Variants in LRRK1 observed in about 807,000 individuals in gnomAD.
The protein encoded by LRRK1 is leucine rich repeat kinase 1, also known as leucine-rich repeat serine/threonine-protein kinase 1.
In LRRK1, 113 loss-of-function variants were observed where a neutral mutation model predicts 209.1. The ratio of observed to expected loss-of-function variants is 0.54; its 90% CI spans 0.46 to 0.63. The LOEUF is 0.63. Ranked by LOEUF, LRRK1 falls within the 30% of genes least tolerant of loss-of-function variation. The probability of loss-of-function intolerance (pLI) is 0.00; values close to 1 mark genes in which losing one functional copy is unlikely to be tolerated. For missense variants in LRRK1, 2,284 were observed against 2,632.2 expected, an observed-to-expected ratio of 0.87 and a Z score of 2.89; for synonymous variants, 1,144 against 1,099.7, an observed-to-expected ratio of 1.04 and a Z score of -0.80.
chr15:101,063,040 A>C (rs2036282422), intron 31 of LRRK1, among the ~76,000 whole-genome samples: 1 of 152,100 alleles, frequency 6.6e-6, no homozygotes, highest in South Asian at 2.1e-4. Flanking sequence ...CCACCTGCCC[A>C]GGCCAGAGCC....
At chr15:100,935,149 C>T (rs910150749) in intron 2 of LRRK1, among the ~76,000 whole-genome samples, 1 of 152,142 alleles carries the variant, frequency 6.6e-6, no homozygotes, top group African/African-American at 2.4e-5. Context: ...GTTTCTATTC[C>T]AGCAGGGGAA....
Position 101,014,353 on chromosome 15 carries a change from C to A in LRRK1, c.1457C>A (p.Ala486Glu). The A allele has an allele frequency of 6.2e-7, 1 of 1,613,816 alleles. No individual in the cohort carries two copies. Among genetic ancestry groups the A allele is most frequent in the Non-Finnish European group, 8.5e-7 (1 of 1,179,860 alleles). ...TTGAGGTTACAGGGGAACCAGCTGG[C>A]GGCACTTCCACCTCAAGAGAAGTGG... ...MFLRLQGNQL[A>E]ALPPQEKWTC... Residue 486 changes from alanine to glutamate, a missense_variant, in exon 11 of 34, where the codon GCG becomes GAG. Physicochemically the swap from Ala to Glu is moderately radical, Grantham distance 107. This residue lies in a region of LRRK1 where 494 missense variants were observed against 522.1 expected (regional missense o/e 0.95). Coordinates refer to ENST00000388948, the MANE Select transcript of LRRK1 (RefSeq NM_024652.6).
In LRRK1 at chr15:101,065,506, C is replaced by T. The variant is rs1281510100; in HGVS notation, c.5069C>T (p.Pro1690Leu). 6.2e-7 allele frequency: 1 copy of T among 1,614,216 alleles called. No homozygotes were observed. The highest frequency in any genetic ancestry group is 1.7e-5 in the Admixed American group (1 of 60,032). The change falls in exon 32 of 34, where the codon CCC (proline) becomes CTC (leucine). Residue 1690 changes from proline (P) to leucine (L), a missense_variant. Pro to Leu is a moderately conservative substitution (Grantham distance 98, BLOSUM62 -3). This residue lies in a region of LRRK1 where 643 missense variants were observed against 695.9 expected (regional missense o/e 0.92). Transcript: ENST00000388948. ...SIADEDARQN[P>L]YPVKAMEVVN... Reference sequence around the variant, plus strand: ...GCGGATGAAGACGCACGGCAGAACCCCTACCCAGTGAAGGCCATGGAGGTG... The same window carrying T: ...GCGGATGAAGACGCACGGCAGAACCTCTACCCAGTGAAGGCCATGGAGGTG...
rs1054932368 is a variant in LRRK1 at position 100,923,549 on chromosome 15, C to T, written c.-122-962C>T. On this transcript the variant is annotated intron_variant, in intron 1 of 33. Transcript: ENST00000388948. ...CGCACATGCATTACTTATGGTAGTA[C>T]CTCATGTCAGGCCTGAGCTAGGCAT... Among the ~76,000 whole-genome samples, 6 of 152,046 alleles carry T rather than the reference C, an allele frequency of 3.9e-5. No individual in the cohort carries two copies. The South Asian group carries it at 1.2e-3, about 32-fold the overall frequency.
chr15:100,978,655 A>T (rs1333535517), intron 3 of LRRK1, among the ~76,000 whole-genome samples: 2 of 152,220 alleles, frequency 1.3e-5, no homozygotes, highest in African/African-American at 4.8e-5. Context: ...GACAACTTAG[A>T]TGAAAGGGAC....
chr15:100,957,608 G>A (rs376668349), intron 2 of LRRK1, among the ~76,000 whole-genome samples: 7 of 152,212 alleles, frequency 4.6e-5, no homozygotes, highest in East Asian at 1.9e-4. Flanking sequence ...TATAAGTATC[G>A]CCATTCTTTA....
At chr15:100,979,770 T>C (rs963741620) in intron 3 of LRRK1, among the ~76,000 whole-genome samples, 6 of 152,292 alleles carry the variant, frequency 3.9e-5, no homozygotes, top group South Asian at 2.1e-4. Context: ...GTATGAGATA[T>C]GTGAAGAGAC....
rs776507369 is a variant in LRRK1 at position 101,058,013 on chromosome 15, G to C, written c.4551G>C (p.Val1517=). ...PEKRPLALSV[V]SQMKDPTFAT... ...AGCGACCGCTGGCCCTGTCGGTGGT[G>C]AGCCAGATGAAGGACCCGACTTTTG... Residue 1517 remains valine, a synonymous_variant, in exon 29 of 34, where the codon GTG becomes GTC. Coordinates refer to ENST00000388948, the MANE Select transcript of LRRK1 (RefSeq NM_024652.6). 6.2e-7 allele frequency: 1 copy of C among 1,613,966 alleles called. No homozygotes were observed. Among genetic ancestry groups the C allele is most frequent in the African/African-American group, 1.3e-5 (1 of 74,878 alleles).
At chr15:101,020,982 C>T in intron 12 of LRRK1, 71 bp from the exon 13 acceptor site, 1 of 1,581,730 alleles carries the variant, frequency 6.3e-7, no homozygotes. Context: ...GTTTATACGC[C>T]CACCTGGTCA....
At chr15:100,938,008 G>C (rs1050328230) in intron 2 of LRRK1, among the ~76,000 whole-genome samples, 8 of 147,542 alleles carry the variant, frequency 5.4e-5, no homozygotes, top group Non-Finnish European at 1.0e-4. Flanking sequence ...ACACCACCAT[G>C]CTTGGCTAAT....
At chr15:101,051,198 T>G (rs1467872449) in intron 23 of LRRK1, among the ~76,000 whole-genome samples, 1 of 152,252 alleles carries the variant, frequency 6.6e-6, no homozygotes, top group Non-Finnish European at 1.5e-5. Context: ...AGGGTGTTTC[T>G]CTGCACCTCC....
At chr15:101,063,472 CTCAGTGGGGGGCAGCTCCCT>C (rs1301318140) in intron 31 of LRRK1, among the ~76,000 whole-genome samples, 1 of 152,226 alleles carries the variant, frequency 6.6e-6, no homozygotes, top group Non-Finnish European at 1.5e-5. Flanking sequence ...GAAGCTGCCC[CTCAGTGGGGGGCAGCTCCCT>C]GGCTTTTCCG....
intron 33 of LRRK1, chr15:101,067,202 A>G: frequency 2.2e-6 from 1 of 454,440 alleles, no homozygotes; most frequent in East Asian, 7.0e-5. Context: ...CTGGGCTGAG[A>G]CATAGCTCAG....
chr15:100,932,584 G>T (rs2042231477), intron 2 of LRRK1, among the ~76,000 whole-genome samples: 1 of 152,170 alleles, frequency 6.6e-6, no homozygotes, highest in South Asian at 2.1e-4. Context: ...AATTATCAAA[G>T]GAAGGCATAC....
chr15:100,943,296 C>A (rs1239682024), intron 2 of LRRK1, among the ~76,000 whole-genome samples: 2 of 152,178 alleles, frequency 1.3e-5, no homozygotes, highest in Non-Finnish European at 2.9e-5. Flanking sequence ...TCTGCCCCCT[C>A]CCTTGGGCAA....
rs746219712 is a variant in LRRK1 at position 101,027,757 on chromosome 15, G to A, written c.2646G>A (p.Thr882=). The A allele has an allele frequency of 1.7e-5, 27 of 1,602,236 alleles. No homozygotes were observed. Among genetic ancestry groups the A allele is most frequent in the East Asian group, 6.8e-5 (3 of 44,394 alleles). ...AGCTGGAGCAGCTGGTGGAGCAGAC[G>A]CCCGACAACGACATCAAGGACTACG... ...DRQLEQLVEQ[T]PDNDIKDYED... is the part of the protein sequence containing the mutation. The change falls in exon 19 of 34, where the codon ACG becomes ACA. Residue 882 remains threonine (T), a synonymous_variant. Coordinates refer to ENST00000388948, the MANE Select transcript of LRRK1 (RefSeq NM_024652.6). This position sits in a 1 kb window ranked among gnomAD's most constrained non-coding sequence, Gnocchi z 5.1.
At chr15:100,983,457 G>A (rs570568079) in intron 3 of LRRK1, 71 bp from the exon 4 acceptor site, 11 of 1,437,200 alleles carry the variant, frequency 7.7e-6, no homozygotes, top group Middle Eastern at 2.6e-4. Context: ...CTGGTGAAGG[G>A]TTTAACGTCA....
chr15:101,039,986 A>G (rs536596388), intron 20 of LRRK1, among the ~76,000 whole-genome samples: 1 of 152,178 alleles, frequency 6.6e-6, no homozygotes, highest in Non-Finnish European at 1.5e-5. Context: ...CCTATTTTGC[A>G]TAAGAATTTT....
chr15:101,049,922 G>C, intron 23 of LRRK1, 139 bp downstream of exon 23: 2 of 917,812 alleles, frequency 2.2e-6, no homozygotes, highest in Non-Finnish European at 3.2e-6. Context: ...ACAGCACTTT[G>C]GTGGGAGTCC....
Sources: allele counts gnomAD v4.1 joint callset (sites outside exome capture counted in the v4.1 genomes callset), GRCh38; gene constraint gnomAD v4.1.1; regional missense constraint gnomAD v4.1.1; non-coding constraint Gnocchi (gnomAD v3.1); transcripts MANE v1.5; gene names NCBI Gene and HGNC (gene_info 2026-07-23, HGNC 2026-07-21).